The following NAV3 variants were observed in gnomAD, a reference collection of about 807,000 sequenced individuals.
NAV3 encodes the protein neuron navigator 3.
In NAV3, 87 loss-of-function variants were observed where a neutral mutation model predicts 244.7. That is an observed-to-expected ratio of 0.36 (90% confidence interval 0.30 to 0.42). NAV3 has a LOEUF of 0.42. Ranked by LOEUF, NAV3 falls within the 20% of genes least tolerant of loss-of-function variation. The pLI, the probability that NAV3 is intolerant of heterozygous loss-of-function variation, is 1.00. For missense variants in NAV3, 2,663 were observed against 2,893.3 expected (o/e 0.92, Z 1.83); for synonymous variants, 1,126 against 1,042.2 (o/e 1.08, Z -1.55).
At chr12:77,736,614 G>A (rs933691394) in intron 2 of NAV3, among the ~76,000 whole-genome samples, 2 of 152,154 alleles carry the variant, frequency 1.3e-5, no homozygotes, top group African/African-American at 4.8e-5. Flanking sequence ...GCTCACAGGG[G>A]TGCAAAAATT....
intron 2 of NAV3, among the ~76,000 whole-genome samples, chr12:77,668,215 A>T (rs1166413516): frequency 6.6e-6 from 1 of 152,176 alleles, no homozygotes; most frequent in African/African-American, 2.4e-5. Flanking sequence ...TAATATGACC[A>T]AACAAAGTTC....
chr12:78,161,927 A>G (rs188413838), intron 23 of NAV3, among the ~76,000 whole-genome samples: 8 of 152,274 alleles, frequency 5.3e-5, no homozygotes, highest in Admixed American at 2.0e-4. Flanking sequence ...GATAATTACT[A>G]CTGCAAGGCA....
chr12:77,655,402 G>A (rs1431789841), intron 2 of NAV3, among the ~76,000 whole-genome samples: 1 of 152,110 alleles, frequency 6.6e-6, no homozygotes, highest in African/African-American at 2.4e-5. Context: ...GGGAAGTTTA[G>A]AGAAAAAAGA....
intron 1 of NAV3, among the ~76,000 whole-genome samples, chr12:77,912,351 A>G (rs1384902229): frequency 6.6e-6 from 1 of 152,096 alleles, no homozygotes; most frequent in Non-Finnish European, 1.5e-5. Context: ...CAGGCCAAGA[A>G]AGGCCTAATA....
chr12:77,758,277 C>CATTTGTTACATTTGT (rs1405941078), intron 2 of NAV3, among the ~76,000 whole-genome samples: 18 of 152,042 alleles, frequency 1.2e-4, no homozygotes, highest in African/African-American at 4.3e-4. Flanking sequence ...TTGTTGTTTA[C>CATTTGTTACATTTGT]TGATTTATGC....
intron 1 of NAV3, among the ~76,000 whole-genome samples, chr12:77,917,417 T>C (rs1220565910): frequency 6.6e-6 from 1 of 151,906 alleles, no homozygotes; most frequent in Non-Finnish European, 1.5e-5. Flanking sequence ...AAAAACACCA[T>C]GTAAAAAAGC....
intron 39 of NAV3, among the ~76,000 whole-genome samples, chr12:78,206,112 C>G (rs541274146): frequency 6.6e-6 from 1 of 152,074 alleles, no homozygotes; most frequent in African/African-American, 2.4e-5. Context: ...CAGCAAAATG[C>G]ATACACACTG....
chr12:78,120,762 A>T (rs1279792851), intron 15 of NAV3, among the ~76,000 whole-genome samples: 1 of 152,226 alleles, frequency 6.6e-6, no homozygotes, highest in East Asian at 1.9e-4. Flanking sequence ...CTCATCTGCA[A>T]AATGGTAGAG....
At chr12:78,096,923 C>G (rs1235892866) in intron 12 of NAV3, among the ~76,000 whole-genome samples, 2 of 152,162 alleles carry the variant, frequency 1.3e-5, no homozygotes, top group African/African-American at 4.8e-5. Context: ...CTGCTTTGTC[C>G]TGACCCTTTC....
At chr12:77,670,204 A>T (rs141704505) in intron 2 of NAV3, among the ~76,000 whole-genome samples, 1,797 of 152,268 alleles carry the variant, frequency 0.012, 44 homozygotes, top group African/African-American at 0.041. Context: ...GAGGAGATGA[A>T]TAAATTCCTG....
intron 12 of NAV3, among the ~76,000 whole-genome samples, chr12:78,065,586 C>A (rs1484960407): frequency 6.6e-6 from 1 of 152,116 alleles, no homozygotes; most frequent in Non-Finnish European, 1.5e-5. Context: ...AGGAAATATG[C>A]AATACTATAC....
chr12:77,754,756 G>A (rs906441070), intron 2 of NAV3, among the ~76,000 whole-genome samples: 1 of 152,230 alleles, frequency 6.6e-6, no homozygotes. Context: ...CTGTTTATGC[G>A]AAACTTTGCC....
Position 78,177,592 on chromosome 12 carries a change from G to A in NAV3, c.5298-28G>A, listed in dbSNP as rs1958291825. The A allele has an allele frequency of 4.4e-6, 7 of 1,584,922 alleles. No individual in the cohort carries two copies. The East Asian group carries it at 1.6e-4, about 36-fold the overall frequency. On this transcript the variant is annotated intron_variant, in intron 27 of 39. Coordinates refer to ENST00000397909, the MANE Select transcript of NAV3 (RefSeq NM_001024383.2). ...CTTCTTTTCATGGGCATTTGTCCAT[G>A]TATCTGTCTAACTGTATGTACATAC...
chr12:77,771,421 C>T (rs7137063), intron 2 of NAV3, among the ~76,000 whole-genome samples: 80,674 of 151,452 alleles, frequency 0.53, 21,548 homozygotes, highest in South Asian at 0.66. Context: ...TGGGTATATA[C>T]CCAAAGGACT....
chr12:77,902,137 G>A (rs1159636912), intron 1 of NAV3, among the ~76,000 whole-genome samples: 1 of 151,934 alleles, frequency 6.6e-6, no homozygotes, highest in Non-Finnish European at 1.5e-5. Flanking sequence ...TTTAGTTGTC[G>A]AGTTATTTTA....
intron 9 of NAV3, among the ~76,000 whole-genome samples, chr12:78,022,956 C>T (rs1877408632): frequency 6.6e-6 from 1 of 152,032 alleles, no homozygotes; most frequent in African/African-American, 2.4e-5. Context: ...AATGGTAATG[C>T]CAAGACACAG....
intron 2 of NAV3, among the ~76,000 whole-genome samples, chr12:77,686,102 C>T (rs1030216029): frequency 6.6e-6 from 1 of 152,104 alleles, no homozygotes; most frequent in African/African-American, 2.4e-5. Context: ...TATTCAGAGC[C>T]TAGATATAGT....
At chr12:78,005,676 G>A (rs1171600406) in intron 7 of NAV3, among the ~76,000 whole-genome samples, 1 of 152,114 alleles carries the variant, frequency 6.6e-6, no homozygotes, top group Admixed American at 6.5e-5. Context: ...GACAAGATGT[G>A]GGGTCAAAGC....
intron 12 of NAV3, among the ~76,000 whole-genome samples, chr12:78,068,037 G>A (rs1164326844): frequency 6.6e-6 from 1 of 151,962 alleles, no homozygotes; most frequent in African/African-American, 2.4e-5. Flanking sequence ...GAACGAAGAG[G>A]AGGAAGAGTA....
Sources: gnomAD v4.1 joint callset for allele counts (sites outside exome capture counted in the v4.1 genomes callset) on GRCh38, gnomAD v4.1.1 for gene constraint, MANE v1.5 for transcripts, NCBI Gene and HGNC (gene_info 2026-07-23, HGNC 2026-07-21) for gene names.